The following MIA3 variants were observed in gnomAD, a reference collection of about 807,000 sequenced individuals.
The protein encoded by MIA3 is transport and Golgi organization protein 1 homolog.
A neutral mutation model predicts 192.4 loss-of-function variants in MIA3; 90 were observed. That is an observed-to-expected ratio of 0.47 (90% CI 0.39 to 0.56). The LOEUF is 0.56. Among genes scored for constraint, MIA3 ranks in the 20% least tolerant of loss-of-function variants. The pLI is 0.00. For missense variants in MIA3, 2,123 were observed against 2,269.4 expected (o/e 0.94, Z 1.31); for synonymous variants, 740 against 792.8 (o/e 0.93, Z 1.12).
chr1:222,662,190 T>A, intron 25 of MIA3, 63 bp from the exon 26 acceptor site: 1 of 1,581,584 alleles, frequency 6.3e-7, no homozygotes, highest in Non-Finnish European at 8.7e-7. Context: ...ATTTTTTTTT[T>A]AATCCTCCTC....
At chr1:222,663,863 G>A in intron 26 of MIA3, 135 bp from the exon 27 acceptor site, 1 of 794,784 alleles carries the variant, frequency 1.3e-6, no homozygotes, top group South Asian at 1.8e-5. Context: ...GAGAGGGGTA[G>A]AGTTTTTTGC....
At chr1:222,655,680 G>C (rs926431437) in intron 18 of MIA3, among the ~76,000 whole-genome samples, 1 of 152,182 alleles carries the variant, frequency 6.6e-6, no homozygotes, top group Non-Finnish European at 1.5e-5. Flanking sequence ...ATAAATGCCT[G>C]TCCTGCTTCA....
intron 18 of MIA3, 120 bp downstream of exon 18, chr1:222,654,913 A>G: frequency 1.1e-6 from 1 of 919,060 alleles, no homozygotes; most frequent in South Asian, 1.9e-5. Flanking sequence ...ATTAGTATAA[A>G]TTTGTCTTTC....
rs376716496 is a variant in MIA3, at chr1:222,633,169, G to A, written c.3397G>A (p.Ala1133Thr). Residue 1133 changes from alanine (A) to threonine (T), a missense_variant, in exon 6 of 28, where the codon GCC becomes ACC. By Grantham distance (58) the Ala-to-Thr change is moderately conservative. Around this residue, in one of 3 missense-constraint regions of MIA3, gnomAD observed 1,357 missense variants for 1,396.1 expected, o/e 0.97. Transcript: ENST00000344922. ...TGCAAACAAGCAACCAGAGACAGCC[G>A]CCGAAGAGCCGGCAAGTGTCACACC... ...IDANKQPETA[A>T]EEPASVTPLE... is the part of the protein sequence containing the mutation. 161 of 1,613,878 alleles carry A rather than the reference G, an allele frequency of 1.0e-4. No homozygotes were observed. Among genetic ancestry groups the A allele is most frequent in the Admixed American group, 3.7e-4 (22 of 59,962 alleles).
At position 222,664,085 on chromosome 1, in the gene MIA3, C is replaced by T; in HGVS notation, c.5350C>T (p.Arg1784Ter). The change falls in exon 27 of 28, where the codon CGA (arginine) becomes TGA (stop). Residue 1784 changes from arginine to a stop codon, truncating the protein, a stop_gained. Coordinates refer to ENST00000344922, the MANE Select transcript of MIA3 (RefSeq NM_198551.4). LOFTEE classifies it high-confidence loss of function. ...PMGGPVPPPI[R>*]YGPPPQLCGP... ...GGGAGGCCCTGTACCACCACCCATTCGATATGGACCACCACCTCAGCTCTG... is the reference window on the plus strand; with the variant it reads ...GGGAGGCCCTGTACCACCACCCATTTGATATGGACCACCACCTCAGCTCTG... The T allele has an allele frequency of 1.2e-6, 2 of 1,614,174 alleles. No homozygotes were observed. The highest frequency in any genetic ancestry group is 1.7e-6 in the Non-Finnish European group (2 of 1,179,980).
intron 6 of MIA3, among the ~76,000 whole-genome samples, chr1:222,645,087 G>C (rs1251187588): frequency 1.3e-5 from 2 of 152,154 alleles, no homozygotes; most frequent in African/African-American, 4.8e-5. Flanking sequence ...GTCGATTTAA[G>C]ATTTTAAATC....
chr1:222,665,396 G>T lies in MIA3; in HGVS notation c.5501G>T (p.Gly1834Val), dbSNP rs748773142. ...GRRDLPLHPR[G>V]FLPGHAPFRP... Reference sequence around the variant, plus strand: ...CGGGACCTGCCTCTCCACCCTCGGGGATTTTTACCTGGACACGCACCATTT... The same window carrying T: ...CGGGACCTGCCTCTCCACCCTCGGGTATTTTTACCTGGACACGCACCATTT... Residue 1834 changes from glycine (G) to valine (V), a missense_variant, in exon 28 of 28, where the codon GGA (glycine) becomes GTA (valine). By Grantham distance (109) the Gly-to-Val change is moderately radical. Coordinates refer to ENST00000344922, the MANE Select transcript of MIA3 (RefSeq NM_198551.4). 4 of 1,613,804 alleles carry T rather than the reference G, an allele frequency of 2.5e-6. No homozygotes were observed. In the African/African-American group the frequency reaches 5.3e-5, roughly 22 times the overall value.
rs1663360527 is a variant in MIA3 at position 222,650,325 on chromosome 1, C to T, written c.3665C>T (p.Thr1222Ile). The part of the protein sequence containing the change: ...TEQQISEKLK[T>I]IMKENTELVQ... Reference sequence around the variant, plus strand: ...CAGCAAATTTCTGAGAAGTTGAAGACTATCATGAAAGAAAATACAGAACTT... The same window carrying T: ...CAGCAAATTTCTGAGAAGTTGAAGATTATCATGAAAGAAAATACAGAACTT... Residue 1222 changes from threonine (T) to isoleucine (I), a missense_variant, in exon 9 of 28, where the codon ACT becomes ATT. Physicochemically the swap from Thr to Ile is moderately conservative, Grantham distance 89 (BLOSUM62 -1). Coordinates refer to ENST00000344922, the MANE Select transcript of MIA3 (RefSeq NM_198551.4). 1.2e-6 allele frequency: 2 copies of T among 1,606,156 alleles called. No individual in the cohort carries two copies. Among genetic ancestry groups the T allele is most frequent in the Middle Eastern group, 3.3e-4 (2 of 6,050 alleles).
chr1:222,662,289 G>C lies in MIA3; in HGVS notation c.5219G>C (p.Ser1740Thr). ...GSGTATMMNS[S>T]SRGSSPTRVL... ...GGTACAGCTACCATGATGAACAGCA[G>C]CTCAAGAGGCTCTTCCCCTACCAGG... The change falls in exon 26 of 28, where the codon AGC becomes ACC. Residue 1740 changes from serine to threonine, a missense_variant. Ser to Thr is a moderately conservative substitution (Grantham distance 58, BLOSUM62 1). Around this residue, in one of 3 missense-constraint regions of MIA3, gnomAD observed 762 missense variants for 856.4 expected, o/e 0.89. Transcript: ENST00000344922. 1 of 1,614,006 alleles carries C rather than the reference G, an allele frequency of 6.2e-7. No homozygotes were observed. The highest frequency in any genetic ancestry group is 8.5e-7 in the Non-Finnish European group (1 of 1,179,932).
At chr1:222,636,641 T>A (rs1662638173) in intron 6 of MIA3, among the ~76,000 whole-genome samples, 2 of 151,314 alleles carry the variant, frequency 1.3e-5, no homozygotes, top group Non-Finnish European at 2.9e-5. Context: ...GCCTCCCAAG[T>A]AGCTGGGATT....
chr1:222,660,655 AT>A, intron 24 of MIA3: 1 of 178,218 alleles, frequency 5.6e-6, no homozygotes, highest in Non-Finnish European at 1.2e-5. Flanking sequence ...TTCTATGCAG[AT>A]TTTTTTCAAA....
At chr1:222,632,075 A>G in intron 4 of MIA3, 90 bp from the exon 5 acceptor site, 1 of 1,199,828 alleles carries the variant, frequency 8.3e-7, no homozygotes, top group Non-Finnish European at 1.2e-6. Flanking sequence ...ATGGAGGTCA[A>G]TGTTGAGGTG....
At chr1:222,647,744 G>A (rs1663218719) in intron 7 of MIA3, among the ~76,000 whole-genome samples, 1 of 152,034 alleles carries the variant, frequency 6.6e-6, no homozygotes, top group African/African-American at 2.4e-5. Flanking sequence ...TTGACTTTTG[G>A]AACCTTGGTC....
In MIA3 at chr1:222,662,331, A is replaced by G; in HGVS notation, c.5261A>G (p.Lys1754Arg). 6.2e-7 allele frequency: 1 copy of G among 1,613,040 alleles called. No individual in the cohort carries two copies. Among genetic ancestry groups the G allele is most frequent in the Non-Finnish European group, 8.5e-7 (1 of 1,178,960 alleles). The change falls in exon 26 of 28, where the codon AAG becomes AGG. Residue 1754 changes from lysine (K) to arginine (R), a missense_variant and splice_region_variant. Around this residue, in one of 3 missense-constraint regions of MIA3, gnomAD observed 762 missense variants for 856.4 expected, o/e 0.89. Transcript: ENST00000344922. ...SSPTRVLDEG[K>R]VNMAPKGPPP... ...CCTACCAGGGTACTCGATGAAGGCA[A>G]GGTAAATGCACCCATTTTGAATAAT...
At position 222,653,252 on chromosome 1, in the gene MIA3, T is replaced by A. The variant is rs1318704712; in HGVS notation, c.4234T>A (p.Leu1412Met). 6.2e-7 allele frequency: 1 copy of A among 1,613,666 alleles called. No homozygotes were observed. Among genetic ancestry groups the A allele is most frequent in the East Asian group, 2.2e-5 (1 of 44,870 alleles). Residue 1412 changes from leucine to methionine, a missense_variant, in exon 15 of 28, where the codon TTG becomes ATG. This residue lies in a region of MIA3 where 762 missense variants were observed against 856.4 expected (regional missense o/e 0.89). Coordinates refer to ENST00000344922, the MANE Select transcript of MIA3 (RefSeq NM_198551.4). ...GGCTTTGACTAACTGCATTACACAG[T>A]TGAATCTGTTAGAGTGTGAATCTGA... ...INALTNCITQ[L>M]NLLECESESE...
Position 222,667,113 on chromosome 1 carries a change from C to CA in MIA3, c.*1496dup, listed in dbSNP as rs1401861419. 5 of 152,116 alleles carry CA rather than the reference C, an allele frequency of 3.3e-5. No homozygotes were observed. Among genetic ancestry groups the CA allele is most frequent in the Admixed American group, 2.0e-4 (3 of 15,270 alleles). The allele number at this position is 152,116 out of a possible 1,614,324, so 9.4% of individuals were successfully genotyped here. On this transcript the variant is annotated 3_prime_UTR_variant, in exon 28 of 28. Transcript: ENST00000344922. ...AAGGAGCAAAAGCTTCAATGTGAAA[C>CA]AATTTTCTCTCTTTATACTAAACAA...
intron 18 of MIA3, among the ~76,000 whole-genome samples, chr1:222,655,456 C>A (rs1007843818): frequency 6.6e-6 from 1 of 152,132 alleles, no homozygotes; most frequent in Non-Finnish European, 1.5e-5. Flanking sequence ...GTGGCAGTTG[C>A]TATTTGTGTT....
Position 222,655,168 on chromosome 1 carries a change from C to T in MIA3, c.4607+375C>T, listed in dbSNP as rs571500172. Among the ~76,000 whole-genome samples, 6 of 152,254 alleles carry T rather than the reference C, an allele frequency of 3.9e-5. No homozygotes were observed. In the South Asian group the frequency reaches 8.3e-4, roughly 21 times the overall value. ...TAAACAGTCTGAGGGATTTGTATGACGTGTTTTAGTAGAATAAAAACTTCA... is the reference window on the plus strand; with the variant it reads ...TAAACAGTCTGAGGGATTTGTATGATGTGTTTTAGTAGAATAAAAACTTCA... On this transcript the variant is annotated intron_variant, in intron 18 of 27. Transcript: ENST00000344922.
chr1:222,630,733 A>G (rs1266157185), intron 4 of MIA3, among the ~76,000 whole-genome samples: 2 of 152,254 alleles, frequency 1.3e-5, no homozygotes, highest in African/African-American at 2.4e-5. Flanking sequence ...TTCAGTCGTC[A>G]GATAACTGCT....
Sources: gnomAD v4.1 joint callset for allele counts (sites outside exome capture counted in the v4.1 genomes callset) on GRCh38, gnomAD v4.1.1 for gene constraint, gnomAD v4.1.1 regional missense constraint, MANE v1.5 for transcripts, NCBI Gene and HGNC (gene_info 2026-07-23, HGNC 2026-07-21) for gene names.